SCAPER: variants seen among roughly 807,000 people sequenced by gnomAD.
SCAPER encodes S phase cyclin A-associated protein in the endoplasmic reticulum.
SCAPER carries 98 observed loss-of-function variants against 182.2 expected under a neutral mutation model. The observed-to-expected ratio is 0.54, with a 90% CI of 0.46 to 0.64. The LOEUF (loss-of-function observed/expected upper bound fraction) is 0.64, where lower values mean the gene tolerates loss of function less well. Among genes scored for constraint, SCAPER ranks in the 30% least tolerant of loss-of-function variants. SCAPER has a pLI of 0.00. For synonymous variants in SCAPER, 605 were observed against 564.6 expected, an observed-to-expected ratio of 1.07 and a Z score of -1.01; for missense variants, 1,432 against 1,690.0, an observed-to-expected ratio of 0.85 and a Z score of 2.68.
intron 20 of SCAPER, among the ~76,000 whole-genome samples, chr15:76,670,439 G>A (rs1370897737): frequency 6.6e-6 from 1 of 152,084 alleles, no homozygotes; most frequent in Non-Finnish European, 1.5e-5. Context: ...TGTTAGACAT[G>A]TGGATAATTT....
intron 1 of SCAPER, among the ~76,000 whole-genome samples, chr15:76,885,094 T>C (rs2073770391): frequency 6.6e-6 from 1 of 152,238 alleles, no homozygotes; most frequent in South Asian, 2.1e-4. Context: ...AAATTAATTA[T>C]GGTGATGGCT....
At position 76,594,161 on chromosome 15, in the gene SCAPER, C is replaced by T. The variant is rs368970639; in HGVS notation, c.2712-19877G>A. Among the ~76,000 whole-genome samples the T allele has an allele frequency of 6.7e-5, 8 of 119,276 alleles. 2 individuals carry two copies. The East Asian group carries it at 1.1e-3, about 17-fold the overall frequency. The allele number at this position is 119,276 out of a possible 152,430, so 78.2% of individuals were successfully genotyped here. A position where few individuals can be genotyped will look rare whatever the true frequency, so the allele number is the denominator to read the frequency against. Reference sequence around the variant, plus strand: ...TCTGATGGAGCTGAAAAACACAACACGAGAACTTCGTGAAGCATACACAAG... The same window carrying T: ...TCTGATGGAGCTGAAAAACACAACATGAGAACTTCGTGAAGCATACACAAG... On this transcript the variant is annotated intron_variant, in intron 22 of 31. Transcript: ENST00000563290.
At chr15:76,422,410 GCTCT>G (rs2046111158) in intron 26 of SCAPER, among the ~76,000 whole-genome samples, 1 of 152,070 alleles carries the variant, frequency 6.6e-6, no homozygotes, top group Admixed American at 6.6e-5. Flanking sequence ...TCATGAGTTG[GCTCT>G]CTGTTTGTCT....
intron 29 of SCAPER, among the ~76,000 whole-genome samples, chr15:76,360,991 A>G (rs1481969517): frequency 1.3e-5 from 2 of 151,898 alleles, no homozygotes; most frequent in Non-Finnish European, 2.9e-5. Flanking sequence ...TATTTGTAAT[A>G]TTAATACTTG....
chr15:76,586,826 T>C (rs565640967), intron 22 of SCAPER: 5 of 152,276 alleles, frequency 3.3e-5, no homozygotes, highest in African/African-American at 9.6e-5. Context: ...TAGAATGATT[T>C]AGGGAGGATT....
At chr15:76,660,550 G>A (rs1227205348) in intron 21 of SCAPER, among the ~76,000 whole-genome samples, 2 of 152,082 alleles carry the variant, frequency 1.3e-5, no homozygotes, top group African/African-American at 2.4e-5. Flanking sequence ...ATAGATCTAT[G>A]ATGAAAACTC....
chr15:76,847,377 C>CAAA (rs35155484), intron 4 of SCAPER, among the ~76,000 whole-genome samples: 31 of 149,726 alleles, frequency 2.1e-4, no homozygotes, highest in Admixed American at 4.7e-4. Flanking sequence ...ATAAAAAATA[C>CAAA]AAAAAAAAAT....
At chr15:76,476,836 A>G (rs747669647) in intron 24 of SCAPER, among the ~76,000 whole-genome samples, 1 of 152,094 alleles carries the variant, frequency 6.6e-6, no homozygotes, top group African/African-American at 2.4e-5. Context: ...ATAGTCTTTA[A>G]AAGCTAAATA....
intron 8 of SCAPER, among the ~76,000 whole-genome samples, chr15:76,783,816 C>G (rs1372970776): frequency 6.6e-6 from 1 of 152,176 alleles, no homozygotes; most frequent in Non-Finnish European, 1.5e-5. Context: ...CAGAAAAGGC[C>G]TTTGACAAAA....
intron 5 of SCAPER, among the ~76,000 whole-genome samples, chr15:76,825,030 T>C (rs543678139): frequency 9.2e-5 from 14 of 152,260 alleles, no homozygotes; most frequent in Admixed American, 7.2e-4. Context: ...TAAGAATAAA[T>C]AGACAAAAAT....
At chr15:76,775,257 G>T in intron 8 of SCAPER, 140 bp from the exon 9 acceptor site, 1 of 665,230 alleles carries the variant, frequency 1.5e-6, no homozygotes, top group Non-Finnish European at 2.4e-6. Context: ...TATACAAAAT[G>T]TATATTTGTA....
intron 17 of SCAPER, among the ~76,000 whole-genome samples, chr15:76,711,025 T>C (rs2059534122): frequency 6.6e-6 from 1 of 152,136 alleles, no homozygotes. Flanking sequence ...GATATCTATA[T>C]GCAAACAAAT....
chr15:76,408,765 C>T (rs965403337), intron 26 of SCAPER, among the ~76,000 whole-genome samples: 1 of 151,634 alleles, frequency 6.6e-6, no homozygotes, highest in Admixed American at 6.6e-5. Context: ...ATAAGAGGGT[C>T]CTTTGCACTG....
At chr15:76,582,725 C>G (rs2048354028) in intron 22 of SCAPER, among the ~76,000 whole-genome samples, 1 of 152,158 alleles carries the variant, frequency 6.6e-6, no homozygotes, top group Non-Finnish European at 1.5e-5. Flanking sequence ...GTAACCAAAA[C>G]AGCATGGTAC....
At chr15:76,833,446 T>C (rs563304440) in intron 5 of SCAPER, among the ~76,000 whole-genome samples, 3 of 152,096 alleles carry the variant, frequency 2.0e-5, no homozygotes, top group Non-Finnish European at 2.9e-5. Context: ...AAAGCAACTA[T>C]ACAATCAAGT....
intron 21 of SCAPER, among the ~76,000 whole-genome samples, chr15:76,633,924 T>C (rs2053376134): frequency 6.6e-6 from 1 of 152,218 alleles, no homozygotes; most frequent in Non-Finnish European, 1.5e-5. Flanking sequence ...TGGGGCCCAC[T>C]GAGGGCGGCC....
chr15:76,513,747 T>C (rs992805336), intron 23 of SCAPER, among the ~76,000 whole-genome samples: 1 of 152,188 alleles, frequency 6.6e-6, no homozygotes, highest in Non-Finnish European at 1.5e-5. Flanking sequence ...CCTATCCCTC[T>C]TAGCATCCAG....
intron 31 of SCAPER, 103 bp downstream of exon 31, chr15:76,351,134 T>C (rs1351370339): frequency 2.2e-6 from 2 of 896,060 alleles, no homozygotes; most frequent in African/African-American, 1.7e-5. Context: ...TTTTAGGTTA[T>C]GTATAAAATT....
chr15:76,835,723 G>C (rs1340557713), intron 5 of SCAPER, among the ~76,000 whole-genome samples: 1 of 151,958 alleles, frequency 6.6e-6, no homozygotes, highest in Non-Finnish European at 1.5e-5. Context: ...AAAATAAAAG[G>C]CATCCAAATA....
Sources: allele counts gnomAD v4.1 joint callset (sites outside exome capture counted in the v4.1 genomes callset), GRCh38; gene constraint gnomAD v4.1.1; transcripts MANE v1.5; gene names NCBI Gene and HGNC (gene_info 2026-07-23, HGNC 2026-07-21).